The following RYR2 variants were observed in gnomAD, a reference collection of about 807,000 sequenced individuals.
RYR2 encodes cardiac muscle ryanodine receptor-calcium release channel.
In RYR2, 227 loss-of-function variants were observed where a neutral mutation model predicts 601.1. The observed-to-expected ratio is 0.38, with a 90% CI of 0.34 to 0.42. The LOEUF (loss-of-function observed/expected upper bound fraction) is 0.42, where lower values mean the gene tolerates loss of function less well. RYR2 is among the 10% of genes least tolerant of loss of function. The probability of loss-of-function intolerance (pLI) is 1.00; values close to 1 mark genes in which losing one functional copy is unlikely to be tolerated. For missense variants in RYR2, 4,646 were observed against 6,156.5 expected (o/e 0.75, Z 8.21); for synonymous variants, 2,223 against 2,175.1 (o/e 1.02, Z -0.61).
In RYR2 at chr1:237,833,967, C is replaced by T. The variant is rs949644325; in HGVS notation, c.*1320C>T. 2 of 152,280 alleles carry T rather than the reference C, an allele frequency of 1.3e-5. No homozygotes were observed. The highest frequency in any genetic ancestry group is 2.9e-5 in the Non-Finnish European group (2 of 68,042). The allele number at this position is 152,280 out of a possible 1,614,324, so 9.4% of individuals were successfully genotyped here. On this transcript the variant is annotated 3_prime_UTR_variant, in exon 105 of 105. Coordinates refer to ENST00000366574, the MANE Select transcript of RYR2 (RefSeq NM_001035.3). ...TTAATTTTAGAACTGTAAAACCGCT[C>T]TGATTAAACTATTTAACTAACTTTC...
At chr1:237,335,075 C>G (rs968879794) in intron 3 of RYR2, among the ~76,000 whole-genome samples, 1 of 152,120 alleles carries the variant, frequency 6.6e-6, no homozygotes, top group African/African-American at 2.4e-5. Flanking sequence ...TCTTCCTTCT[C>G]TGGGACATAG....
chr1:237,367,140 C>A (rs1016560776), intron 5 of RYR2, among the ~76,000 whole-genome samples: 10 of 152,114 alleles, frequency 6.6e-5, no homozygotes, highest in Admixed American at 4.6e-4. Flanking sequence ...GTTGCCCAGG[C>A]TGGAGTGCAG....
At chr1:237,527,170 T>G (rs2147911280) in intron 24 of RYR2, among the ~76,000 whole-genome samples, 1 of 152,350 alleles carries the variant, frequency 6.6e-6, no homozygotes, top group African/African-American at 2.4e-5. Context: ...TGTGTCTAAT[T>G]TTGTACCATT....
intron 1 of RYR2, among the ~76,000 whole-genome samples, chr1:237,147,424 C>T (rs999751746): frequency 6.6e-5 from 10 of 152,164 alleles, no homozygotes; most frequent in African/African-American, 9.7e-5. Flanking sequence ...TGGAAATACA[C>T]ACAAATTATC....
At chr1:237,307,930 G>A (rs1694044332) in intron 2 of RYR2, among the ~76,000 whole-genome samples, 1 of 151,270 alleles carries the variant, frequency 6.6e-6, no homozygotes, top group South Asian at 2.1e-4. Context: ...TTTGAGTGAA[G>A]GCTAGGAAAA....
rs57579159 is a variant in RYR2 at position 237,549,628 on chromosome 1, CTTTTTTTT to C, written c.3067-895_3067-888del. On this transcript the variant is annotated intron_variant, in intron 26 of 104. Transcript: ENST00000366574. ...AACCCCTGTGTGATTCCATAGCTTT[CTTTTTTTT>C]TTTTTTTTTTTTTTTTTTTTAACTC... Among the ~76,000 whole-genome samples, 468 of 77,730 alleles carry C rather than the reference CTTTTTTTT, an allele frequency of 6.0e-3. 15 individuals are homozygous for C. The East Asian group carries it at 0.12, about 20-fold the overall frequency. The allele number at this position is 77,730 out of a possible 152,430, so 51.0% of individuals were successfully genotyped here. A position where few individuals can be genotyped will look rare whatever the true frequency, so the allele number is the denominator to read the frequency against.
chr1:237,682,233 C>A (rs1351676521), intron 62 of RYR2, among the ~76,000 whole-genome samples: 1 of 151,976 alleles, frequency 6.6e-6, no homozygotes, highest in African/African-American at 2.4e-5. Context: ...AACTATACAC[C>A]AAAAAAGAAA....
intron 87 of RYR2, 58 bp downstream of exon 87, chr1:237,773,706 A>G (rs1694438468): frequency 2.0e-6 from 3 of 1,477,180 alleles, no homozygotes; most frequent in African/African-American, 2.8e-5. Context: ...AAAATGCAGT[A>G]TATCTAGAGT....
intron 1 of RYR2, among the ~76,000 whole-genome samples, chr1:237,205,757 G>A (rs12752563): frequency 0.23 from 35,357 of 152,200 alleles, 4,475 homozygotes; most frequent in East Asian, 0.37. Flanking sequence ...GCAAGGGCAC[G>A]GCTGGAGACG....
chr1:237,727,024 ATATT>A, intron 75 of RYR2, 59 bp from the exon 76 acceptor site: 1 of 850,616 alleles, frequency 1.2e-6, no homozygotes. Flanking sequence ...TGGGGTGTAA[ATATT>A]TATTTGTTTT....
chr1:237,148,912 T>A (rs919955791), intron 1 of RYR2, among the ~76,000 whole-genome samples: 4 of 152,132 alleles, frequency 2.6e-5, no homozygotes, highest in African/African-American at 9.7e-5. Context: ...CCTCTATTTT[T>A]CAGATTTTGG....
chr1:237,623,381 T>TTCTTTCTTTCTTTCTTTCTA (rs1679283454), intron 38 of RYR2, among the ~76,000 whole-genome samples: 1 of 82,812 alleles, frequency 1.2e-5, no homozygotes. Flanking sequence ...CTTTCTTTCT[T>TTCTTTCTTTCTTTCTTTCTA]TCTTTTTTTT....
chr1:237,770,970 C>A, intron 85 of RYR2, 83 bp downstream of exon 85: 1 of 763,156 alleles, frequency 1.3e-6, no homozygotes, highest in Non-Finnish European at 2.1e-6. Context: ...CTGTTAGTTC[C>A]AATTATGCAT....
At chr1:237,643,800 G>C (rs991466840) in intron 48 of RYR2, among the ~76,000 whole-genome samples, 1 of 151,922 alleles carries the variant, frequency 6.6e-6, no homozygotes, top group African/African-American at 2.4e-5. Context: ...ATTTTAAGTA[G>C]AGATGGGGTT....
intron 1 of RYR2, among the ~76,000 whole-genome samples, chr1:237,134,081 A>T (rs550070983): frequency 5.9e-5 from 9 of 152,124 alleles, no homozygotes; most frequent in Admixed American, 2.0e-4. Flanking sequence ...TGAATGATTC[A>T]CCGCTGATCT....
intron 27 of RYR2, among the ~76,000 whole-genome samples, chr1:237,565,553 G>A (rs895481135): frequency 6.6e-6 from 1 of 152,082 alleles, no homozygotes; most frequent in Non-Finnish European, 1.5e-5. Flanking sequence ...CTGAAAACTA[G>A]CATTTAACCA....
intron 63 of RYR2, among the ~76,000 whole-genome samples, chr1:237,694,109 A>G (rs1236037902): frequency 6.6e-6 from 1 of 151,878 alleles, no homozygotes; most frequent in East Asian, 1.9e-4. Flanking sequence ...CCTGGCTAAC[A>G]AGGTGAAACC....
rs188263877 is a variant in RYR2, at chr1:237,803,822, G to C, written c.14151+1906G>C. On this transcript the variant is annotated intron_variant, in intron 98 of 104. Transcript: ENST00000366574. ...TGTATTTGATTATTTGCTGAATCTT[G>C]GTCCTGTTTGTGTCCTCTGTAATTC... Among the ~76,000 whole-genome samples, 362 of 152,094 alleles carry C rather than the reference G, an allele frequency of 2.4e-3. 1 individual carries two copies. The highest frequency in any genetic ancestry group is 2.5e-3 in the East Asian group (13 of 5,156).
At chr1:237,520,197 GT>G (rs964570056) in intron 24 of RYR2, among the ~76,000 whole-genome samples, 1 of 152,118 alleles carries the variant, frequency 6.6e-6, no homozygotes, top group African/African-American at 2.4e-5. Flanking sequence ...TCAAATAAGA[GT>G]TTTTTGTGGC....
Sources: gnomAD v4.1 joint callset for allele counts (sites outside exome capture counted in the v4.1 genomes callset) on GRCh38, gnomAD v4.1.1 for gene constraint, MANE v1.5 for transcripts, NCBI Gene and HGNC (gene_info 2026-07-23, HGNC 2026-07-21) for gene names.